The following TTC16 variants were observed in gnomAD, a reference collection of about 807,000 sequenced individuals.
The protein encoded by TTC16 is tetratricopeptide repeat protein 16.
Under a neutral mutation model 80.4 loss-of-function variants are expected in TTC16, and 66 were observed. That is an observed-to-expected ratio of 0.82 (90% CI 0.67 to 1.01). The LOEUF (loss-of-function observed/expected upper bound fraction) is 1.01, where lower values mean the gene tolerates loss of function less well. Ranked by LOEUF, TTC16 falls within the 50% of genes least tolerant of loss-of-function variation. TTC16 has a pLI of 0.00. For synonymous variants in TTC16, 438 were observed against 451.3 expected (o/e 0.97, Z 0.37); for missense variants, 1,070 against 1,103.2 (o/e 0.97, Z 0.43).
Position 127,726,979 on chromosome 9 carries a change from C to T in TTC16, c.1435C>T (p.Leu479=). ...CCCCCTTTCGTGGCAGCTGTCCCTG[C>T]TGATGACCAACCTCTTCCCGGGCAT... ...LNPKQPKLSL[L]MTNLFPGMSV... Residue 479 remains leucine (L), a synonymous_variant, in exon 11 of 14, where the codon CTG becomes TTG. Coordinates refer to ENST00000373289, the MANE Select transcript of TTC16 (RefSeq NM_144965.3). The T allele has an allele frequency of 6.2e-7, 1 of 1,613,242 alleles. No homozygotes were observed. Among genetic ancestry groups the T allele is most frequent in the Non-Finnish European group, 8.5e-7 (1 of 1,180,014 alleles).
chr9:127,721,073 A>G (rs1843473361), intron 6 of TTC16, among the ~76,000 whole-genome samples: 2 of 151,186 alleles, frequency 1.3e-5, no homozygotes, highest in Non-Finnish European at 1.5e-5. Flanking sequence ...AGTACAGGGA[A>G]CAGCTTGGGA....
intron 9 of TTC16, 62 bp downstream of exon 9, chr9:127,724,959 C>G (rs952779630): frequency 2.8e-5 from 40 of 1,435,260 alleles, no homozygotes; most frequent in Non-Finnish European, 3.4e-5. Context: ...GGGCAGGAGG[C>G]CAACTGCTGG....
chr9:127,725,599 G>A (rs1360104946), intron 9 of TTC16, among the ~76,000 whole-genome samples: 2 of 140,452 alleles, frequency 1.4e-5, no homozygotes, highest in Admixed American at 1.4e-4. Context: ...TTCTCTCTCC[G>A]TTATGCTTTC....
chr9:127,727,079 G>C lies in TTC16; in HGVS notation c.1535G>C (p.Ser512Thr). ...CAGCTGGAGCAGATGGTGGAGGGCA[G>C]CCTGCAGGCCGGCAGCCCACAAGGC... ...RLQLEQMVEG[S>T]LQAGSPQGIV... The change falls in exon 11 of 14, where the codon AGC becomes ACC. Residue 512 changes from serine (S) to threonine (T), a missense_variant. Ser to Thr is a moderately conservative substitution (Grantham distance 58). Coordinates refer to ENST00000373289, the MANE Select transcript of TTC16 (RefSeq NM_144965.3). 1.2e-6 allele frequency: 2 copies of C among 1,610,136 alleles called. No homozygotes were observed. The highest frequency in any genetic ancestry group is 1.7e-6 in the Non-Finnish European group (2 of 1,178,488).
chr9:127,731,170 G>C lies in TTC16; in HGVS notation c.2387G>C (p.Arg796Thr). 6.2e-7 allele frequency: 1 copy of C among 1,612,672 alleles called. No homozygotes were observed. The highest frequency in any genetic ancestry group is 8.5e-7 in the Non-Finnish European group (1 of 1,179,858). The change falls in exon 14 of 14, where the codon AGG becomes ACG. Residue 796 changes from arginine to threonine, a missense_variant. Arg to Thr is a moderately conservative substitution (Grantham distance 71). Transcript: ENST00000373289. ...SKVDATQGRS[R>T]GLLRSSTKTE... ...GTTGATGCCACCCAGGGCCGAAGCAGGGGACTGCTCCGAAGTTCCACCAAG... is the reference window on the plus strand; with the variant it reads ...GTTGATGCCACCCAGGGCCGAAGCACGGGACTGCTCCGAAGTTCCACCAAG...
Position 127,724,198 on chromosome 9 carries a change from G to A in TTC16, c.951G>A (p.Glu317=). Residue 317 remains glutamate, a synonymous_variant, in exon 8 of 14, where the codon GAG becomes GAA. Transcript: ENST00000373289. Reference sequence around the variant, plus strand: ...TGAAGGTGCTGGACATGGTGACCGAGGACCAGGAGGACATGGTGCGGCAGG... The same window carrying A: ...TGAAGGTGCTGGACATGGTGACCGAAGACCAGGAGGACATGGTGCGGCAGG... ...DFLKVLDMVT[E]DQEDMVRQAQ... The A allele has an allele frequency of 6.2e-7, 1 of 1,613,334 alleles. No individual in the cohort carries two copies. Among genetic ancestry groups the A allele is most frequent in the Non-Finnish European group, 8.5e-7 (1 of 1,180,028 alleles).
intron 13 of TTC16, chr9:127,730,349 T>C: frequency 2.1e-6 from 1 of 484,462 alleles, no homozygotes; most frequent in Non-Finnish European, 3.7e-6. Flanking sequence ...GCAGGGGCCC[T>C]GCTGGGGCTG....
rs776290745 is a variant in TTC16, at chr9:127,720,288, A to G, written c.550A>G (p.Lys184Glu). The change falls in exon 6 of 14, where the codon AAG (lysine) becomes GAG (glutamate). Residue 184 changes from lysine to glutamate, a missense_variant. Lys to Glu is a moderately conservative substitution (Grantham distance 56). Coordinates refer to ENST00000373289, the MANE Select transcript of TTC16 (RefSeq NM_144965.3). ...YRCMACLLALKQHQACLTLIT... is the reference protein window; with the variant it reads ...YRCMACLLALEQHQACLTLIT... ...CAGCATGGCCTGTCTCCTGGCCCTC[A>G]AGCAGCATCAGGCCTGCCTCACGCT... The G allele has an allele frequency of 6.2e-7, 1 of 1,613,362 alleles. No individual in the cohort carries two copies. Among genetic ancestry groups the G allele is most frequent in the South Asian group, 1.1e-5 (1 of 91,086 alleles).
chr9:127,716,769 A>G, intron 1 of TTC16, 75 bp from the exon 2 acceptor site: 4 of 1,517,578 alleles, frequency 2.6e-6, no homozygotes, highest in Non-Finnish European at 3.5e-6. Flanking sequence ...CCCTCCCTGC[A>G]GAATGCTGGG....
intron 2 of TTC16, 137 bp downstream of exon 2, chr9:127,717,153 G>A (rs1843089744): frequency 7.7e-7 from 1 of 1,297,964 alleles, no homozygotes; most frequent in African/African-American, 1.5e-5. Context: ...ACCTCAGTGG[G>A]AACGAGGCTG....
intron 12 of TTC16, 134 bp from the exon 13 acceptor site, chr9:127,729,447 T>G: frequency 1.4e-6 from 1 of 695,774 alleles, no homozygotes; most frequent in East Asian, 2.7e-5. Context: ...CCCACCCCAC[T>G]CTAACCTGGC....
rs1462322770 is a variant in TTC16 at position 127,731,002 on chromosome 9, A to G, written c.2219A>G (p.Gln740Arg). Residue 740 changes from glutamine (Q) to arginine (R), a missense_variant, in exon 14 of 14, where the codon CAG (glutamine) becomes CGG (arginine). Gln to Arg is a conservative substitution (Grantham distance 43, BLOSUM62 1). Transcript: ENST00000373289. ...AGCTCCAGCAAGACTGAGGCCACTC[A>G]GGGCCAGAGGCAGAGCTCCAGCGAG... ...GQSSSKTEAT[Q>R]GQRQSSSEIE... 6.2e-7 allele frequency: 1 copy of G among 1,613,212 alleles called. No individual in the cohort carries two copies.
At position 127,731,025 on chromosome 9, in the gene TTC16, G is replaced by A. The variant is rs567976977; in HGVS notation, c.2242G>A (p.Glu748Lys). ...TCAGGGCCAGAGGCAGAGCTCCAGCGAGATTGAGGCCACCCAGGGCCCAAG... is the reference window on the plus strand; with the variant it reads ...TCAGGGCCAGAGGCAGAGCTCCAGCAAGATTGAGGCCACCCAGGGCCCAAG... Reference protein sequence around the residue: ...ATQGQRQSSSEIEATQGPRQE... With the variant: ...ATQGQRQSSSKIEATQGPRQE... The change falls in exon 14 of 14, where the codon GAG becomes AAG. Residue 748 changes from glutamate to lysine, a missense_variant. Transcript: ENST00000373289. 3.8e-5 allele frequency: 61 copies of A among 1,607,578 alleles called. No individual in the cohort carries two copies. Among genetic ancestry groups the A allele is most frequent in the African/African-American group, 6.8e-5 (5 of 73,108 alleles).
intron 9 of TTC16, among the ~76,000 whole-genome samples, chr9:127,725,109 T>TA (rs1564388503): frequency 6.6e-6 from 1 of 152,162 alleles, no homozygotes; most frequent in Non-Finnish European, 1.5e-5. Context: ...ATTAAAAATA[T>TA]AAAAAAATTT....
chr9:127,717,939 G>A (rs1199122872), intron 4 of TTC16, among the ~76,000 whole-genome samples, 167 bp downstream of exon 4: 1 of 152,226 alleles, frequency 6.6e-6, no homozygotes, highest in Non-Finnish European at 1.5e-5. Context: ...CCAGGGTTGA[G>A]TCAAGTTTGG....
intron 12 of TTC16, chr9:127,729,204 G>A (rs553083): frequency 0.62 from 109,729 of 175,580 alleles, 35,210 homozygotes; most frequent in African/African-American, 0.73. Flanking sequence ...CACTTGTATT[G>A]GGAGAATGGA....
intron 9 of TTC16, 123 bp downstream of exon 9, chr9:127,725,020 C>T (rs1479026244): frequency 8.3e-7 from 1 of 1,203,138 alleles, no homozygotes; most frequent in Non-Finnish European, 1.1e-6. Context: ...ATGGCTCATC[C>T]CTGTAATCCC....
rs376071946 is a variant in TTC16, at chr9:127,731,357, C to T, written c.2574C>T (p.Leu858=). The T allele has an allele frequency of 1.9e-6, 3 of 1,612,838 alleles. No homozygotes were observed. The South Asian group carries it at 3.3e-5, about 18-fold the overall frequency. ...CCACCTGGGGACCCAGCCCAAGTCT[C>T]AGCAAAACTGAGGTTGATCAGGACC... ...AESTWGPSPS[L]SKTEVDQDLT... Residue 858 remains leucine (L), a synonymous_variant, in exon 14 of 14, where the codon CTC becomes CTT. Transcript: ENST00000373289.
At position 127,731,365 on chromosome 9, in the gene TTC16, C is replaced by T. The variant is rs2131705429; in HGVS notation, c.2582C>T (p.Thr861Ile). ...TWGPSPSLSK[T>I]EVDQDLTYYE... ...GGACCCAGCCCAAGTCTCAGCAAAA[C>T]TGAGGTTGATCAGGACCTCACCTAC... Residue 861 changes from threonine (T) to isoleucine (I), a missense_variant, in exon 14 of 14, where the codon ACT becomes ATT. Transcript: ENST00000373289. The T allele has an allele frequency of 6.2e-7, 1 of 1,612,944 alleles. No homozygotes were observed. The highest frequency in any genetic ancestry group is 8.5e-7 in the Non-Finnish European group (1 of 1,180,012).
Sources: allele counts gnomAD v4.1 joint callset (sites outside exome capture counted in the v4.1 genomes callset), GRCh38; gene constraint gnomAD v4.1.1; transcripts MANE v1.5; gene names NCBI Gene and HGNC (gene_info 2026-07-23, HGNC 2026-07-21).